The following TBC1D5 variants were observed in gnomAD, a reference collection of about 807,000 sequenced individuals.
TBC1D5 encodes the protein TBC1 domain family, member 5.
In TBC1D5, 75 loss-of-function variants were observed where a neutral mutation model predicts 100.3. The ratio of observed to expected loss-of-function variants is 0.75; its 90% CI spans 0.62 to 0.91. TBC1D5 has a LOEUF of 0.91. Ranked by LOEUF, TBC1D5 falls within the 40% of genes least tolerant of loss-of-function variation. TBC1D5 has a pLI of 0.00. For missense variants in TBC1D5, 910 were observed against 942.4 expected, an observed-to-expected ratio of 0.97 and a Z score of 0.45; for synonymous variants, 323 against 325.6, an observed-to-expected ratio of 0.99 and a Z score of 0.09.
chr3:17,400,131 T>A (rs2093608908), intron 8 of TBC1D5, among the ~76,000 whole-genome samples: 2 of 152,090 alleles, frequency 1.3e-5, no homozygotes, highest in African/African-American at 4.8e-5. Flanking sequence ...GATGGCAGCA[T>A]CCTATCTGTG....
At chr3:17,275,025 C>T (rs982842294) in intron 15 of TBC1D5, among the ~76,000 whole-genome samples, 1 of 152,140 alleles carries the variant, frequency 6.6e-6, no homozygotes, top group Non-Finnish European at 1.5e-5. Context: ...AAACTGAACT[C>T]TTAATTTACT....
At chr3:17,713,510 G>C (rs993848884) in intron 1 of TBC1D5, among the ~76,000 whole-genome samples, 2 of 152,140 alleles carry the variant, frequency 1.3e-5, no homozygotes. Context: ...CCAAAGTGCT[G>C]AGATTACAGG....
At chr3:17,585,136 C>G (rs1055462005) in intron 2 of TBC1D5, among the ~76,000 whole-genome samples, 1 of 151,962 alleles carries the variant, frequency 6.6e-6, no homozygotes, top group African/African-American at 2.4e-5. Context: ...TCTGTATTTA[C>G]GAAACTTTCT....
intron 8 of TBC1D5, among the ~76,000 whole-genome samples, chr3:17,388,026 G>T (rs780109855): frequency 5.3e-4 from 81 of 151,958 alleles, no homozygotes; most frequent in Non-Finnish European, 1.0e-3. Flanking sequence ...AAATTGAGAT[G>T]TAAAATAGGT....
At chr3:17,284,167 G>C (rs1349215139) in intron 15 of TBC1D5, among the ~76,000 whole-genome samples, 3 of 149,138 alleles carry the variant, frequency 2.0e-5, no homozygotes, top group Non-Finnish European at 3.0e-5. Context: ...ACCCAGGCTG[G>C]AGTGCAGTGG....
chr3:17,706,559 GACA>G (rs2074203302), intron 1 of TBC1D5, among the ~76,000 whole-genome samples: 1 of 152,084 alleles, frequency 6.6e-6, no homozygotes, highest in Admixed American at 6.5e-5. Flanking sequence ...CCATGTTATA[GACA>G]ACTTTTTTCA....
rs138737884 is a variant in TBC1D5 at position 17,489,734 on chromosome 3, C to T, written c.97+18740G>A. Reference sequence around the variant, plus strand: ...AGTATTCCATGGTGAATATGTACCACATTTTCTTTATCAAGTCTATCACTA... The same window carrying T: ...AGTATTCCATGGTGAATATGTACCATATTTTCTTTATCAAGTCTATCACTA... On this transcript the variant is annotated intron_variant, in intron 3 of 21. Transcript: ENST00000253692. Among the ~76,000 whole-genome samples, 1,075 of 152,298 alleles carry T rather than the reference C, an allele frequency of 7.1e-3. 9 individuals carry two copies. The highest frequency in any genetic ancestry group is 0.024 in the African/African-American group (1,010 of 41,550).
chr3:17,392,361 C>A (rs1318274955), intron 8 of TBC1D5, among the ~76,000 whole-genome samples: 1 of 151,342 alleles, frequency 6.6e-6, no homozygotes, highest in Admixed American at 6.6e-5. Context: ...TGTCATGTGA[C>A]CCTTTTTTTA....
intron 3 of TBC1D5, among the ~76,000 whole-genome samples, chr3:17,505,902 A>G (rs184977687): frequency 1.3e-5 from 2 of 152,338 alleles, no homozygotes; most frequent in African/African-American, 4.8e-5. Context: ...TTGAAAAAAC[A>G]ATTAAAGCAG....
Position 17,442,827 on chromosome 3 carries a change from G to A in TBC1D5, c.98-14308C>T, listed in dbSNP as rs148050972. ...CAGAAACTGTGGTCTGAACTTAACT[G>A]GAACAGCAGGAGAGTTGGTAATGGG... On this transcript the variant is annotated intron_variant, in intron 3 of 21. Coordinates refer to ENST00000253692, the Ensembl canonical transcript of TBC1D5. Among the ~76,000 whole-genome samples, 696 of 152,112 alleles carry A rather than the reference G, an allele frequency of 4.6e-3. 4 individuals carry two copies. Among genetic ancestry groups the A allele is most frequent in the Non-Finnish European group, 7.7e-3 (524 of 67,978 alleles).
At chr3:17,682,866 T>A (rs181843024) in intron 1 of TBC1D5, among the ~76,000 whole-genome samples, 1 of 151,526 alleles carries the variant, frequency 6.6e-6, no homozygotes, top group African/African-American at 2.5e-5. Context: ...ACCGGTCACA[T>A]AGATGCAGTC....
chr3:17,347,458 C>A (rs2090040797), intron 13 of TBC1D5, among the ~76,000 whole-genome samples: 1 of 151,898 alleles, frequency 6.6e-6, no homozygotes, highest in Non-Finnish European at 1.5e-5. Flanking sequence ...TAATTGAGAA[C>A]TAACTATAGC....
At chr3:17,237,088 T>C (rs2075919860) in intron 17 of TBC1D5, among the ~76,000 whole-genome samples, 1 of 152,202 alleles carries the variant, frequency 6.6e-6, no homozygotes, top group South Asian at 2.1e-4. Context: ...AACATACTTT[T>C]AAAATCTTCT....
intron 15 of TBC1D5, among the ~76,000 whole-genome samples, chr3:17,264,889 G>C (rs2078691542): frequency 6.6e-6 from 1 of 152,200 alleles, no homozygotes; most frequent in African/African-American, 2.4e-5. Context: ...GGGCAGGTCT[G>C]ACAGTTTGAC....
intron 18 of TBC1D5, among the ~76,000 whole-genome samples, chr3:17,206,001 G>C (rs180809798): frequency 5.7e-4 from 87 of 152,192 alleles, no homozygotes; most frequent in Non-Finnish European, 9.0e-4. Context: ...TTTACCCAAA[G>C]CAACTTGATA....
exon 22 of TBC1D5, chr3:17,161,019 C>T: frequency 6.2e-7 from 1 of 1,614,210 alleles, no homozygotes; most frequent in East Asian, 2.2e-5. Context: ...CTGTCGTCAT[C>T]AGGACTGGAG....
chr3:17,243,784 C>G (rs1178861147), intron 16 of TBC1D5, among the ~76,000 whole-genome samples: 2 of 151,990 alleles, frequency 1.3e-5, no homozygotes, highest in Non-Finnish European at 2.9e-5. Flanking sequence ...TATGAGCTCA[C>G]AGTGATGACA....
Position 17,591,153 on chromosome 3 carries a change from G to A in TBC1D5, c.-36+32696C>T, listed in dbSNP as rs185967684. ...CAGGAGGCTGAGGCAGGAGAATGGCGTGAACCCAGGAGGCAGAGCTTGCAG... is the reference window on the plus strand; with the variant it reads ...CAGGAGGCTGAGGCAGGAGAATGGCATGAACCCAGGAGGCAGAGCTTGCAG... On this transcript the variant is annotated intron_variant, in intron 2 of 21. Coordinates refer to ENST00000253692, the Ensembl canonical transcript of TBC1D5. Among the ~76,000 whole-genome samples the A allele has an allele frequency of 8.5e-5, 12 of 141,838 alleles. No individual in the cohort carries two copies. In the East Asian group the frequency reaches 2.1e-3, roughly 25 times the overall value. 93.1% of individuals were successfully genotyped at this position (141,838 alleles called of 152,430 possible). A position where few individuals can be genotyped will look rare whatever the true frequency, so the allele number is the denominator to read the frequency against.
chr3:17,498,159 G>A (rs2095738702), intron 3 of TBC1D5, among the ~76,000 whole-genome samples: 1 of 152,000 alleles, frequency 6.6e-6, no homozygotes, highest in Admixed American at 6.6e-5. Flanking sequence ...CCAGCTTGAA[G>A]CTAGCATAAT....
Sources: allele counts gnomAD v4.1 joint callset (sites outside exome capture counted in the v4.1 genomes callset), GRCh38; gene constraint gnomAD v4.1.1; transcripts MANE v1.5; gene names NCBI Gene and HGNC (gene_info 2026-07-23, HGNC 2026-07-21).